HUNK: variants seen among roughly 807,000 people sequenced by gnomAD.
HUNK encodes the protein hormonally up-regulated Neu-associated kinase.
Under a neutral mutation model 61.0 loss-of-function variants are expected in HUNK, and 21 were observed. That is an observed-to-expected ratio of 0.34 (90% CI 0.24 to 0.50). The LOEUF (loss-of-function observed/expected upper bound fraction) is 0.50. Ranked by LOEUF, HUNK falls within the 20% of genes least tolerant of loss-of-function variation. The probability of loss-of-function intolerance (pLI) is 0.98; values close to 1 mark genes in which losing one functional copy is unlikely to be tolerated. For synonymous variants in HUNK, 371 were observed against 386.1 expected (o/e 0.96, Z 0.46); for missense variants, 772 against 945.7 (o/e 0.82, Z 2.41).
intron 1 of HUNK, among the ~76,000 whole-genome samples, chr21:31,907,716 G>C (rs537703124): frequency 3.3e-5 from 5 of 152,194 alleles, no homozygotes; most frequent in African/African-American, 1.2e-4. Context: ...TGGGCCGGGC[G>C]TGCTGGCTCA....
intron 8 of HUNK, among the ~76,000 whole-genome samples, chr21:31,989,365 T>C (rs534517852): frequency 6.4e-4 from 97 of 152,286 alleles, no homozygotes; most frequent in African/African-American, 2.3e-3. Context: ...TCTATATAAC[T>C]TTAAAAAATA....
chr21:31,960,176 A>G (rs1311733842), intron 5 of HUNK, among the ~76,000 whole-genome samples: 1 of 152,212 alleles, frequency 6.6e-6, no homozygotes, highest in African/African-American at 2.4e-5. Context: ...TTCCGTGAAT[A>G]TGTGTTGTGC....
intron 1 of HUNK, among the ~76,000 whole-genome samples, chr21:31,890,560 G>A (rs1213131529): frequency 1.3e-5 from 2 of 152,078 alleles, no homozygotes; most frequent in Admixed American, 6.6e-5. Flanking sequence ...TTGATTTTTG[G>A]TGATGCATAG....
intron 3 of HUNK, among the ~76,000 whole-genome samples, chr21:31,944,796 C>T (rs1053269838): frequency 1.3e-5 from 2 of 152,180 alleles, no homozygotes; most frequent in African/African-American, 4.8e-5. Context: ...TTAGAGTCTT[C>T]AAGAGTTTTC....
intron 1 of HUNK, among the ~76,000 whole-genome samples, chr21:31,893,354 T>C (rs375728761): frequency 9.2e-5 from 14 of 152,218 alleles, no homozygotes; most frequent in East Asian, 5.8e-4. Context: ...CTTTTCCCGA[T>C]ACATGAATTT....
Position 32,003,061 on chromosome 21 carries a change from G to A in HUNK, c.*3877G>A, listed in dbSNP as rs1042019676. 6.6e-6 allele frequency: 1 copy of A among 152,246 alleles called. No homozygotes were observed. The highest frequency in any genetic ancestry group is 1.5e-5 in the Non-Finnish European group (1 of 68,088). The allele number at this position is 152,246 out of a possible 1,614,324, so 9.4% of individuals were successfully genotyped here. A position where few individuals can be genotyped will look rare whatever the true frequency, so the allele number is the denominator to read the frequency against. On this transcript the variant is annotated 3_prime_UTR_variant, in exon 11 of 11. Coordinates refer to ENST00000270112, the MANE Select transcript of HUNK (RefSeq NM_014586.2). The stretch of plus-strand genomic sequence containing the variant: ...CACCCCAGAGTCCCCAGATGAGCTG[G>A]CATTTGAGCTGGTCTGGAGCAGAGT...
intron 1 of HUNK, among the ~76,000 whole-genome samples, chr21:31,893,651 A>G (rs2052406292): frequency 6.6e-6 from 1 of 152,166 alleles, no homozygotes; most frequent in Admixed American, 6.5e-5. Flanking sequence ...GCGTCCTTTA[A>G]CAGCAGAGAA....
intron 1 of HUNK, among the ~76,000 whole-genome samples, chr21:31,903,279 T>A (rs2052481430): frequency 6.6e-6 from 1 of 152,220 alleles, no homozygotes; most frequent in Non-Finnish European, 1.5e-5. Context: ...TCATAATGAT[T>A]AGTTCTTGTA....
chr21:31,983,704 G>A, intron 8 of HUNK, 95 bp downstream of exon 8: 2 of 866,178 alleles, frequency 2.3e-6, no homozygotes, highest in African/African-American at 1.7e-5. Flanking sequence ...GTGGGACACT[G>A]AAGTAGCAAA....
chr21:31,939,637 A>G (rs563072720), intron 2 of HUNK, among the ~76,000 whole-genome samples: 59 of 150,590 alleles, frequency 3.9e-4, no homozygotes, highest in Non-Finnish European at 7.7e-4. Flanking sequence ...CGAACTCGCG[A>G]CCTCAGGTGA....
chr21:31,873,510 G>C lies in HUNK; in HGVS notation c.-165G>C. The C allele has an allele frequency of 4.8e-6, 2 of 413,116 alleles. No individual in the cohort carries two copies. The highest frequency in any genetic ancestry group is 6.5e-6 in the Non-Finnish European group (2 of 306,740). The allele number at this position is 413,116 out of a possible 1,614,324, so 25.6% of individuals were successfully genotyped here. Reference sequence around the variant, plus strand: ...TATTGTCTACGCGCCTCGCTGGGCGGCGCGGGGGGCGTGATCGCGGCGGCC... The same window carrying C: ...TATTGTCTACGCGCCTCGCTGGGCGCCGCGGGGGGCGTGATCGCGGCGGCC... On this transcript the variant is annotated 5_prime_UTR_variant, in exon 1 of 11. Coordinates refer to ENST00000270112, the MANE Select transcript of HUNK (RefSeq NM_014586.2). This position sits in a 1 kb window ranked among gnomAD's most constrained non-coding sequence, Gnocchi z 6.1.
At chr21:31,932,375 T>C (rs1000665071) in intron 2 of HUNK, among the ~76,000 whole-genome samples, 1 of 152,124 alleles carries the variant, frequency 6.6e-6, no homozygotes, top group African/African-American at 2.4e-5. Context: ...TGACTCAGTT[T>C]ATGGCGGCCA....
chr21:31,903,649 G>T (rs183939408), intron 1 of HUNK, among the ~76,000 whole-genome samples: 2 of 152,316 alleles, frequency 1.3e-5, no homozygotes, highest in East Asian at 3.9e-4. Context: ...GGAATTGTCT[G>T]TGTGACTCTA....
intron 1 of HUNK, among the ~76,000 whole-genome samples, chr21:31,896,801 G>A (rs1473326389): frequency 2.0e-5 from 3 of 152,326 alleles, no homozygotes; most frequent in African/African-American, 7.2e-5. Context: ...CGTATGATTT[G>A]TGTGAACCCA....
intron 1 of HUNK, among the ~76,000 whole-genome samples, chr21:31,881,860 T>A (rs1251746277): frequency 6.6e-6 from 1 of 152,156 alleles, no homozygotes; most frequent in Non-Finnish European, 1.5e-5. Context: ...TGCCACACGC[T>A]GGGGGATTTT....
intron 5 of HUNK, 45 bp from the exon 6 acceptor site, chr21:31,968,205 G>A (rs747591415): frequency 1.1e-5 from 17 of 1,612,196 alleles, no homozygotes; most frequent in East Asian, 4.5e-5. Context: ...TGGTGTCTGC[G>A]TTCAGCCTGT....
intron 8 of HUNK, among the ~76,000 whole-genome samples, chr21:31,987,694 CA>C (rs144619227): frequency 6.6e-6 from 1 of 152,352 alleles, no homozygotes; most frequent in African/African-American, 2.4e-5. Flanking sequence ...CTCTAAACTG[CA>C]GTGATACTTC....
At position 31,995,765 on chromosome 21, in the gene HUNK, T is replaced by C. The variant is rs2123258925; in HGVS notation, c.1306-3T>C. On this transcript the variant is annotated splice_polypyrimidine_tract_variant and splice_region_variant and intron_variant, in intron 9 of 10. Transcript: ENST00000270112. Reference sequence around the variant, plus strand: ...AGTGCATATGTTTGCTTCTGATTTGTAGGATAAAAAGCCCAAAGAACAAGA... The same window carrying C: ...AGTGCATATGTTTGCTTCTGATTTGCAGGATAAAAAGCCCAAAGAACAAGA... 6.2e-7 allele frequency: 1 copy of C among 1,612,488 alleles called. No individual in the cohort carries two copies. The highest frequency in any genetic ancestry group is 2.2e-5 in the East Asian group (1 of 44,876).
At position 31,894,138 on chromosome 21, in the gene HUNK, G is replaced by A. The variant is rs535966592; in HGVS notation, c.261+20203G>A. ...TGCCTGTGGGACAGGAATGCTTCTT[G>A]AATTAGAGCTAATTTTGGAGTTTAA... On this transcript the variant is annotated intron_variant, in intron 1 of 10. Coordinates refer to ENST00000270112, the MANE Select transcript of HUNK (RefSeq NM_014586.2). 7.9e-5 allele frequency among the ~76,000 whole-genome samples: 12 copies of A among 152,284 alleles called. No homozygotes were observed. The East Asian group carries it at 1.5e-3, about 20-fold the overall frequency.
Sources: gnomAD v4.1 joint callset for allele counts (sites outside exome capture counted in the v4.1 genomes callset) on GRCh38, gnomAD v4.1.1 for gene constraint, Gnocchi (gnomAD v3.1) non-coding constraint, MANE v1.5 for transcripts, NCBI Gene and HGNC (gene_info 2026-07-23, HGNC 2026-07-21) for gene names.